FREM2: variants seen among roughly 807,000 people sequenced by gnomAD.
FREM2 encodes FRAS1 related extracellular matrix 2.
In FREM2, 119 loss-of-function variants were observed where a neutral mutation model predicts 219.9. That is an observed-to-expected ratio of 0.54 (90% CI 0.47 to 0.63). FREM2 has a LOEUF of 0.63. FREM2 is among the 30% of genes least tolerant of loss of function. The pLI, the probability that FREM2 is intolerant of heterozygous loss-of-function variation, is 0.00. For missense variants in FREM2, 4,030 were observed against 3,993.6 expected (o/e 1.01, Z -0.25); for synonymous variants, 1,562 against 1,522.8 (o/e 1.03, Z -0.60).
chr13:38,737,371 A>C (rs896782224), intron 2 of FREM2, among the ~76,000 whole-genome samples: 11 of 152,200 alleles, frequency 7.2e-5, no homozygotes, highest in African/African-American at 2.4e-4. Flanking sequence ...ATAGCATCTG[A>C]GACATCCAAA....
At chr13:38,705,853 G>A (rs1348593464) in intron 2 of FREM2, among the ~76,000 whole-genome samples, 1 of 151,434 alleles carries the variant, frequency 6.6e-6, no homozygotes, top group Non-Finnish European at 1.5e-5. Context: ...CCTTTCTCCT[G>A]TCTTTCTCAC....
intron 6 of FREM2, among the ~76,000 whole-genome samples, chr13:38,845,968 C>T (rs1593442043): frequency 6.6e-6 from 1 of 152,170 alleles, no homozygotes; most frequent in African/African-American, 2.4e-5. Flanking sequence ...TAAAGTCTCA[C>T]TTGGTATAGA....
Position 38,878,929 on chromosome 13 carries a change from T to G in FREM2, c.8958T>G (p.Asn2986Lys), listed in dbSNP as rs775089051. Residue 2986 changes from asparagine (N) to lysine (K), a missense_variant, in exon 23 of 24, where the codon AAT (asparagine) becomes AAG (lysine). Physicochemically the swap from Asn to Lys is moderately conservative, Grantham distance 94. Transcript: ENST00000280481. Reference sequence around the variant, plus strand: ...ACCCTGAAGCCATTCTCTTAGTGAATCAGCCTGGATCTGATGGATTTAAAG... The same window carrying G: ...ACCCTGAAGCCATTCTCTTAGTGAAGCAGCCTGGATCTGATGGATTTAAAG... ...VDDPEAILLV[N>K]QPGSDGFKVD... 7 of 1,614,166 alleles carry G rather than the reference T, an allele frequency of 4.3e-6. No homozygotes were observed. Among genetic ancestry groups the G allele is most frequent in the Non-Finnish European group, 5.9e-6 (7 of 1,180,012 alleles).
intron 1 of FREM2, among the ~76,000 whole-genome samples, chr13:38,697,240 A>G (rs1051788718): frequency 2.6e-5 from 4 of 152,192 alleles, no homozygotes; most frequent in Admixed American, 2.0e-4. Context: ...TACAGCACAA[A>G]AAGTAAGAAA....
chr13:38,844,037 A>C (rs955086817), intron 6 of FREM2, among the ~76,000 whole-genome samples: 13 of 152,284 alleles, frequency 8.5e-5, no homozygotes, highest in African/African-American at 3.1e-4. Context: ...AATCATATAC[A>C]TAAATCTACT....
At chr13:38,774,701 T>C (rs1772495573) in intron 4 of FREM2, among the ~76,000 whole-genome samples, 1 of 152,236 alleles carries the variant, frequency 6.6e-6, no homozygotes, top group South Asian at 2.1e-4. Flanking sequence ...CTAAGACGTC[T>C]GATTTTATAT....
chr13:38,867,228 A>G (rs533279974), intron 16 of FREM2, among the ~76,000 whole-genome samples: 93 of 152,348 alleles, frequency 6.1e-4, no homozygotes, highest in African/African-American at 2.1e-3. Flanking sequence ...AAGAATTACA[A>G]CATAATTCAG....
chr13:38,853,674 C>T (rs562243807), intron 11 of FREM2, among the ~76,000 whole-genome samples: 1 of 152,260 alleles, frequency 6.6e-6, no homozygotes, highest in African/African-American at 2.4e-5. Flanking sequence ...TGATGAACTA[C>T]TCTAGAGCTT....
intron 6 of FREM2, among the ~76,000 whole-genome samples, chr13:38,844,566 A>AGTC (rs1877080110): frequency 6.6e-6 from 1 of 152,186 alleles, no homozygotes; most frequent in Non-Finnish European, 1.5e-5. Context: ...GGTGTTTAGC[A>AGTC]GTTGTATATT....
chr13:38,856,045 T>G, intron 11 of FREM2, 81 bp from the exon 12 acceptor site: 1 of 601,376 alleles, frequency 1.7e-6, no homozygotes. Flanking sequence ...TAGGCCACAG[T>G]AAAAAAAAAA....
chr13:38,730,927 TAA>T (rs1032708729), intron 2 of FREM2, among the ~76,000 whole-genome samples: 1 of 81,852 alleles, frequency 1.2e-5, no homozygotes, highest in African/African-American at 3.5e-5. Flanking sequence ...TTGTTTTCTG[TAA>T]GTTTTTTTTT....
chr13:38,880,986 C>A lies in FREM2; in HGVS notation c.*199C>A. 1.5e-6 allele frequency: 1 copy of A among 684,070 alleles called. No homozygotes were observed. 42.4% of individuals were successfully genotyped at this position (684,070 alleles called of 1,614,324 possible). A position where few individuals can be genotyped will look rare whatever the true frequency, so the allele number is the denominator to read the frequency against. On this transcript the variant is annotated 3_prime_UTR_variant, in exon 24 of 24. Coordinates refer to ENST00000280481, the MANE Select transcript of FREM2 (RefSeq NM_207361.6). ...CAAAGGACAAATTAAGGCATCTTTC[C>A]TCTTGCCCCAAAGGCAGCAACAACG...
At position 38,881,426 on chromosome 13, in the gene FREM2, CTTG is replaced by C. The variant is rs755326498; in HGVS notation, c.*642_*644del. 93 of 155,040 alleles carry C rather than the reference CTTG, an allele frequency of 6.0e-4. 1 individual carries two copies. Among genetic ancestry groups the C allele is most frequent in the Non-Finnish European group, 8.3e-4 (58 of 69,662 alleles). The allele number at this position is 155,040 out of a possible 1,614,324, so 9.6% of individuals were successfully genotyped here. On this transcript the variant is annotated 3_prime_UTR_variant, in exon 24 of 24. Coordinates refer to ENST00000280481, the MANE Select transcript of FREM2 (RefSeq NM_207361.6). ...TGCTTCTCATTCTCATCAGACTCTC[CTTG>C]TTTTGTTTGCATATTTAATTTTAAA...
At chr13:38,728,765 T>C (rs2138117422) in intron 2 of FREM2, among the ~76,000 whole-genome samples, 1 of 152,284 alleles carries the variant, frequency 6.6e-6, no homozygotes, top group East Asian at 1.9e-4. Flanking sequence ...TCATGAAATA[T>C]TGCATGAAGT....
chr13:38,855,680 G>A (rs1877526997), intron 11 of FREM2, among the ~76,000 whole-genome samples: 1 of 152,114 alleles, frequency 6.6e-6, no homozygotes, highest in South Asian at 2.1e-4. Flanking sequence ...GCTAAGCTAT[G>A]AGGATGCAAA....
In FREM2 at chr13:38,687,665, T is replaced by G; in HGVS notation, c.321T>G (p.Val107=). 6.2e-7 allele frequency: 1 copy of G among 1,604,876 alleles called. No homozygotes were observed. The highest frequency in any genetic ancestry group is 8.5e-7 in the Non-Finnish European group (1 of 1,175,270). The change falls in exon 1 of 24, where the codon GTT becomes GTG. Residue 107 remains valine (V), a synonymous_variant. Coordinates refer to ENST00000280481, the MANE Select transcript of FREM2 (RefSeq NM_207361.6). ...LQVQPGDRCA[V]SVLDNDALAQ... ...TGCAGCCCGGGGACCGCTGCGCGGT[T>G]TCGGTACTAGACAACGACGCACTGG...
chr13:38,724,553 CATT>C (rs1414716837), intron 2 of FREM2, among the ~76,000 whole-genome samples: 1 of 152,144 alleles, frequency 6.6e-6, no homozygotes, highest in Admixed American at 6.6e-5. Flanking sequence ...GTAATAGTAG[CATT>C]ATCACTCATT....
At position 38,692,239 on chromosome 13, in the gene FREM2, C is replaced by T. The variant is rs550060236; in HGVS notation, c.4895C>T (p.Pro1632Leu). 5.0e-6 allele frequency: 8 copies of T among 1,614,046 alleles called. No homozygotes were observed. The South Asian group carries it at 7.7e-5, about 16-fold the overall frequency. Residue 1632 changes from proline to leucine, a missense_variant, in exon 1 of 24, where the codon CCT becomes CTT. Physicochemically the swap from Pro to Leu is moderately conservative, Grantham distance 98 (BLOSUM62 -3). Coordinates refer to ENST00000280481, the MANE Select transcript of FREM2 (RefSeq NM_207361.6). ...ACCCATACAGACTTCTATGTTTTTC[C>T]TGATACGGTGTTTGAAACAAGGAGA... ...DGTHTDFYVFPDTVFETRRPQ... is the reference protein window; with the variant it reads ...DGTHTDFYVFLDTVFETRRPQ...
At chr13:38,757,541 G>A (rs79276042) in intron 2 of FREM2, among the ~76,000 whole-genome samples, 4,811 of 151,988 alleles carry the variant, frequency 0.032, 107 homozygotes, top group Non-Finnish European at 0.049. Flanking sequence ...GTGTGTCGTG[G>A]TGCTGTGCCT....
Sources: allele counts gnomAD v4.1 joint callset (sites outside exome capture counted in the v4.1 genomes callset), GRCh38; gene constraint gnomAD v4.1.1; transcripts MANE v1.5; gene names NCBI Gene and HGNC (gene_info 2026-07-23, HGNC 2026-07-21).